The following TLL2 variants were observed in gnomAD, a reference collection of about 807,000 sequenced individuals.
TLL2 encodes the protein tolloid-like protein 2.
Under a neutral mutation model 123.0 loss-of-function variants are expected in TLL2, and 106 were observed. The observed-to-expected ratio is 0.86, with a 90% confidence interval of 0.74 to 1.01. The LOEUF is 1.01. TLL2 is among the 50% of genes least tolerant of loss of function. The pLI is 0.00. For missense variants in TLL2, 1,332 were observed against 1,336.7 expected (o/e 1.00, Z 0.06); for synonymous variants, 494 against 516.8 (o/e 0.96, Z 0.60).
At chr10:96,427,773 G>GTTT (rs977656126) in intron 5 of TLL2, among the ~76,000 whole-genome samples, 3 of 151,942 alleles carry the variant, frequency 2.0e-5, no homozygotes, top group African/African-American at 7.2e-5. Context: ...GTTGGGTTTG[G>GTTT]TTTTTTTTGT....
chr10:96,394,085 C>T (rs1460767102), intron 13 of TLL2, among the ~76,000 whole-genome samples: 1 of 152,138 alleles, frequency 6.6e-6, no homozygotes, highest in Non-Finnish European at 1.5e-5. Context: ...CACGTAGAAC[C>T]TGGGAGAAGG....
intron 4 of TLL2, among the ~76,000 whole-genome samples, chr10:96,432,439 C>T (rs986373248): frequency 3.3e-5 from 5 of 152,228 alleles, no homozygotes; most frequent in Admixed American, 2.6e-4. Flanking sequence ...CCAGGACGCT[C>T]ATCCAGGCAG....
rs1032086904 is a variant in TLL2, at chr10:96,366,090, C to T, written c.*1998G>A. On this transcript the variant is annotated 3_prime_UTR_variant, in exon 21 of 21. Coordinates refer to ENST00000357947, the MANE Select transcript of TLL2 (RefSeq NM_012465.4). ...GAACCATAACACCCATCTTAGGTTT[C>T]CCAGTTCCAGTTTCAACTCTCATAG... The T allele has an allele frequency of 6.6e-6, 1 of 152,192 alleles. No homozygotes were observed. The highest frequency in any genetic ancestry group is 2.4e-5 in the African/African-American group (1 of 41,432). The allele number at this position is 152,192 out of a possible 1,614,324, so 9.4% of individuals were successfully genotyped here. A position where few individuals can be genotyped will look rare whatever the true frequency, so the allele number is the denominator to read the frequency against.
chr10:96,411,761 A>C lies in TLL2; in HGVS notation c.1049-1287T>G, dbSNP rs140394915. The stretch of plus-strand genomic sequence containing the variant: ...CTGCATGGCGACTGACTGAGCTTTC[A>C]GTTACTGCTCGGAACTACTGGAAGC... On this transcript the variant is annotated intron_variant, in intron 8 of 20. Coordinates refer to ENST00000357947, the MANE Select transcript of TLL2 (RefSeq NM_012465.4). Among the ~76,000 whole-genome samples the C allele has an allele frequency of 2.0e-5, 3 of 152,304 alleles. No individual in the cohort carries two copies. The East Asian group carries it at 5.8e-4, about 29-fold the overall frequency.
In TLL2 at chr10:96,386,996, A is replaced by G. The variant is rs1424026537; in HGVS notation, c.1809T>C (p.Cys603=). The G allele has an allele frequency of 6.2e-7, 1 of 1,614,134 alleles. No individual in the cohort carries two copies. Among genetic ancestry groups the G allele is most frequent in the East Asian group, 2.2e-5 (1 of 44,890 alleles). The change falls in exon 14 of 21, where the codon TGT becomes TGC. Residue 603 remains cysteine (C), a synonymous_variant. Coordinates refer to ENST00000357947, the MANE Select transcript of TLL2 (RefSeq NM_012465.4). ...VNTLGSYKCA[C]DPGYELAADK... ...CGGCGGCCAGCTCGTAGCCAGGGTC[A>G]CAGGCACACTTGTAGCTGCCCAGCG...
chr10:96,509,043 A>G (rs1847601524), intron 1 of TLL2, among the ~76,000 whole-genome samples: 1 of 152,094 alleles, frequency 6.6e-6, no homozygotes, highest in Non-Finnish European at 1.5e-5. Flanking sequence ...TCCAGCTGCC[A>G]TGCTTCGAGG....
chr10:96,506,907 G>C (rs1204279092), intron 1 of TLL2, among the ~76,000 whole-genome samples: 1 of 152,062 alleles, frequency 6.6e-6, no homozygotes, highest in African/African-American at 2.4e-5. Flanking sequence ...ACCAAATATG[G>C]GCTCTGTCCA....
chr10:96,375,028 G>T (rs1031576005), intron 18 of TLL2, among the ~76,000 whole-genome samples: 2 of 151,798 alleles, frequency 1.3e-5, no homozygotes, highest in Non-Finnish European at 2.9e-5. Context: ...ATGGAGGTTG[G>T]GAGGGGGAAG....
chr10:96,471,986 G>A (rs1011010171), intron 2 of TLL2, among the ~76,000 whole-genome samples: 3 of 152,140 alleles, frequency 2.0e-5, no homozygotes, highest in Admixed American at 2.0e-4. Context: ...ATCTCAAAAT[G>A]TCACGCACAA....
At chr10:96,418,990 T>C (rs1846593672) in intron 7 of TLL2, among the ~76,000 whole-genome samples, 1 of 152,124 alleles carries the variant, frequency 6.6e-6, no homozygotes, top group African/African-American at 2.4e-5. Context: ...ACTTGGTCTC[T>C]AGTAGCAGCC....
At chr10:96,511,995 T>C (rs1350966057) in intron 1 of TLL2, among the ~76,000 whole-genome samples, 1 of 152,202 alleles carries the variant, frequency 6.6e-6, no homozygotes, top group Non-Finnish European at 1.5e-5. Flanking sequence ...GAACTCATGG[T>C]ACCTGGGCCA....
intron 9 of TLL2, among the ~76,000 whole-genome samples, chr10:96,406,758 C>T (rs759071358): frequency 1.3e-5 from 2 of 152,104 alleles, no homozygotes; most frequent in Admixed American, 1.3e-4. Context: ...TAGGTGAGAG[C>T]ACCTCCAAAC....
chr10:96,395,760 G>T, intron 12 of TLL2, 115 bp downstream of exon 12: 1 of 1,358,080 alleles, frequency 7.4e-7, no homozygotes, highest in Non-Finnish European at 1.0e-6. Context: ...ATGGGCTTGA[G>T]AATAGCCTCT....
chr10:96,405,901 C>A (rs540291577), intron 9 of TLL2, among the ~76,000 whole-genome samples: 99 of 152,240 alleles, frequency 6.5e-4, no homozygotes, highest in Non-Finnish European at 1.1e-3. Context: ...CCTGTGCTGG[C>A]CAATTGAGAT....
At chr10:96,491,032 G>A (rs1847406960) in intron 1 of TLL2, among the ~76,000 whole-genome samples, 1 of 152,152 alleles carries the variant, frequency 6.6e-6, no homozygotes, top group South Asian at 2.1e-4. Flanking sequence ...GGGTAGGCAG[G>A]GCAATTCCTC....
At chr10:96,438,945 G>A (rs983247487) in intron 3 of TLL2, among the ~76,000 whole-genome samples, 1 of 151,786 alleles carries the variant, frequency 6.6e-6, no homozygotes, top group African/African-American at 2.4e-5. Context: ...TGTTGATTTA[G>A]CGGGTTCTAT....
At chr10:96,436,568 G>A (rs906406778) in intron 3 of TLL2, among the ~76,000 whole-genome samples, 1 of 152,148 alleles carries the variant, frequency 6.6e-6, no homozygotes, top group African/African-American at 2.4e-5. Flanking sequence ...GGTTAAGTAA[G>A]ACAAGTTTAG....
chr10:96,495,975 T>G (rs1419469444), intron 1 of TLL2, among the ~76,000 whole-genome samples: 1 of 152,164 alleles, frequency 6.6e-6, no homozygotes, highest in African/African-American at 2.4e-5. Flanking sequence ...ACTGAAGAAT[T>G]TCTAAGACAG....
intron 10 of TLL2, among the ~76,000 whole-genome samples, chr10:96,397,679 C>T (rs567132900): frequency 8.5e-5 from 13 of 152,322 alleles, no homozygotes; most frequent in Non-Finnish European, 1.8e-4. Context: ...GTATACCCTT[C>T]CCTTTTGGGG....
Sources: allele counts gnomAD v4.1 joint callset (sites outside exome capture counted in the v4.1 genomes callset), GRCh38; gene constraint gnomAD v4.1.1; transcripts MANE v1.5; gene names NCBI Gene and HGNC (gene_info 2026-07-23, HGNC 2026-07-21).